KCNG2: variants seen among roughly 807,000 people sequenced by gnomAD.
KCNG2 encodes potassium voltage-gated channel modifier subfamily G member 2.
In KCNG2, 7 loss-of-function variants were observed where a neutral mutation model predicts 12.3. That is an observed-to-expected ratio of 0.57 (90% CI 0.32 to 1.07). The LOEUF (loss-of-function observed/expected upper bound fraction) is 1.07, where lower values mean the gene tolerates loss of function less well. Ranked by LOEUF, KCNG2 falls within the 50% of genes least tolerant of loss-of-function variation. The pLI is 0.04. For synonymous variants in KCNG2, 414 were observed against 351.4 expected (o/e 1.18, Z -1.99); for missense variants, 703 against 726.0 (o/e 0.97, Z 0.36).
At chr18:79,802,295 C>T (rs776168183) in intron 1 of KCNG2, among the ~76,000 whole-genome samples, 6 of 152,208 alleles carry the variant, frequency 3.9e-5, no homozygotes, top group Non-Finnish European at 5.9e-5. Context: ...GGACGCGGCT[C>T]ATGGAGGGGC....
intron 1 of KCNG2, among the ~76,000 whole-genome samples, chr18:79,813,353 TATC>T (rs1239131395): frequency 6.6e-6 from 1 of 152,176 alleles, no homozygotes; most frequent in Admixed American, 6.5e-5. Context: ...TACTCCACCA[TATC>T]AACAGAAGAG....
At chr18:79,814,763 T>C (rs2087516574) in intron 1 of KCNG2, among the ~76,000 whole-genome samples, 2 of 152,166 alleles carry the variant, frequency 1.3e-5, no homozygotes, top group Non-Finnish European at 2.9e-5. Context: ...TCTCAAAAGG[T>C]TTAATTCTAA....
intron 1 of KCNG2, among the ~76,000 whole-genome samples, chr18:79,848,048 A>G (rs1373253368): frequency 1.3e-5 from 2 of 152,126 alleles, no homozygotes; most frequent in East Asian, 1.9e-4. Context: ...GGTGCGGTGC[A>G]TGGACCCTGA....
rs1555695115 is a variant in KCNG2, at chr18:79,872,286, T to TTTTTTTTTG, written c.624+8003_624+8004insGTTTTTTTT. 4.1e-4 allele frequency among the ~76,000 whole-genome samples: 41 copies of TTTTTTTTTG among 100,558 alleles called. 1 individual carries two copies. Among genetic ancestry groups the TTTTTTTTTG allele is most frequent in the Admixed American group, 9.3e-4 (8 of 8,560 alleles). The allele number at this position is 100,558 out of a possible 152,430, so 66.0% of individuals were successfully genotyped here. ...TAAAAGCTTCAAAGCTTCAGTTTTT[T>TTTTTTTTTG]TTTTTTTTTTTTTTTTTGAGATGGA... On this transcript the variant is annotated intron_variant, in intron 3 of 3. Coordinates refer to ENST00000316249, the MANE Select transcript of KCNG2 (RefSeq NM_012283.2).
intron 3 of KCNG2, among the ~76,000 whole-genome samples, chr18:79,869,973 G>A (rs925697982): frequency 6.6e-6 from 1 of 152,100 alleles, no homozygotes; most frequent in Admixed American, 6.5e-5. Flanking sequence ...AGCTGGAGTG[G>A]GAGTTGCCAC....
At chr18:79,809,384 CT>C (rs1170492003) in intron 1 of KCNG2, among the ~76,000 whole-genome samples, 14 of 146,256 alleles carry the variant, frequency 9.6e-5, no homozygotes, top group African/African-American at 3.3e-4. Context: ...AGAGTCCTCG[CT>C]CTGAGGAGCT....
intron 3 of KCNG2, among the ~76,000 whole-genome samples, chr18:79,865,767 TCTGTGTG>T: frequency 1.0e-5 from 1 of 96,008 alleles, no homozygotes; most frequent in African/African-American, 3.9e-5. Flanking sequence ...TGCTGAGAGG[TCTGTGTG>T]CTGAGAAGTC....
intron 1 of KCNG2, among the ~76,000 whole-genome samples, chr18:79,835,732 A>C (rs892975140): frequency 6.6e-6 from 1 of 152,190 alleles, no homozygotes; most frequent in Non-Finnish European, 1.5e-5. Flanking sequence ...TGTGGCTCTA[A>C]GGCAGGTAGA....
At chr18:79,865,608 T>G (rs1357276616) in intron 3 of KCNG2, among the ~76,000 whole-genome samples, 5 of 124,330 alleles carry the variant, frequency 4.0e-5, no homozygotes, top group Non-Finnish European at 6.7e-5. Flanking sequence ...AGTTCTGTGT[T>G]CTGAGAGGTC....
chr18:79,874,282 A>G (rs1979978944), intron 3 of KCNG2, among the ~76,000 whole-genome samples: 1 of 152,212 alleles, frequency 6.6e-6, no homozygotes, highest in Admixed American at 6.5e-5. Flanking sequence ...AAACTATTCC[A>G]GTCACCCTAA....
intron 3 of KCNG2, among the ~76,000 whole-genome samples, chr18:79,878,077 C>A: frequency 6.6e-6 from 1 of 152,284 alleles, no homozygotes; most frequent in East Asian, 1.9e-4. Context: ...GTGAGCGTGC[C>A]AGGAAATGTG....
Position 79,803,093 on chromosome 18 carries a change from G to T in KCNG2, c.-115+5079G>T, listed in dbSNP as rs950718626. ...CTTGGGAGGCTGAGGCAGGAGAATC[G>T]CTTGAACCCGGAAGGCGGAGCTTGC... On this transcript the variant is annotated intron_variant, in intron 1 of 3. Transcript: ENST00000316249. The surrounding 1 kb of genome is among the most constrained non-coding windows in gnomAD (Gnocchi z 4.5). Among the ~76,000 whole-genome samples, 1 of 152,106 alleles carries T rather than the reference G, an allele frequency of 6.6e-6. No homozygotes were observed. The highest frequency in any genetic ancestry group is 1.5e-5 in the Non-Finnish European group (1 of 68,012).
At chr18:79,831,900 G>A (rs1452694588) in intron 1 of KCNG2, among the ~76,000 whole-genome samples, 1 of 152,214 alleles carries the variant, frequency 6.6e-6, no homozygotes, top group African/African-American at 2.4e-5. Flanking sequence ...CTGATTTGGA[G>A]CAGCACTCAC....
chr18:79,827,215 C>T lies in KCNG2; in HGVS notation c.-114-29164C>T, dbSNP rs149592273. Among the ~76,000 whole-genome samples the T allele has an allele frequency of 1.7e-3, 257 of 152,342 alleles. 2 individuals are homozygous for T. The highest frequency in any genetic ancestry group is 5.9e-3 in the African/African-American group (244 of 41,582). The stretch of plus-strand genomic sequence containing the variant: ...GGAGCTGGGGCTCGGGCCAGACCAG[C>T]GACACCCTCCAGGCCTCAGTGGTCC... On this transcript the variant is annotated intron_variant, in intron 1 of 3. Coordinates refer to ENST00000316249, the MANE Select transcript of KCNG2 (RefSeq NM_012283.2).
chr18:79,863,438 C>T (rs1355465331), intron 2 of KCNG2, among the ~76,000 whole-genome samples, 190 bp from the exon 3 acceptor site: 1 of 152,234 alleles, frequency 6.6e-6, no homozygotes, highest in Non-Finnish European at 1.5e-5. Context: ...GTCCGCTGGA[C>T]GCTTGAGGGT....
chr18:79,806,602 G>A (rs761876399), intron 1 of KCNG2, among the ~76,000 whole-genome samples: 83 of 152,216 alleles, frequency 5.5e-4, no homozygotes, highest in Admixed American at 2.0e-3. Context: ...TCTCTCAAAT[G>A]ATGGTTTTTA....
At chr18:79,853,966 C>G (rs571805985) in intron 1 of KCNG2, among the ~76,000 whole-genome samples, 1 of 152,382 alleles carries the variant, frequency 6.6e-6, no homozygotes, top group Non-Finnish European at 1.5e-5. Flanking sequence ...GCCTGTGAAA[C>G]AGCACAGACC....
chr18:79,891,404 T>C (rs914966559), intron 3 of KCNG2, among the ~76,000 whole-genome samples: 2 of 152,090 alleles, frequency 1.3e-5, no homozygotes, highest in Admixed American at 1.3e-4. Flanking sequence ...CTAATTTTTG[T>C]ATGTCTCGTA....
At chr18:79,833,137 G>GT (rs796097325) in intron 1 of KCNG2, among the ~76,000 whole-genome samples, 199 of 151,942 alleles carry the variant, frequency 1.3e-3, no homozygotes, top group Middle Eastern at 3.4e-3. Flanking sequence ...TTGCTACAGG[G>GT]TTTTTTTTGT....
Sources: gnomAD v4.1 joint callset for allele counts (sites outside exome capture counted in the v4.1 genomes callset) on GRCh38, gnomAD v4.1.1 for gene constraint, Gnocchi (gnomAD v3.1) non-coding constraint, MANE v1.5 for transcripts, NCBI Gene and HGNC (gene_info 2026-07-23, HGNC 2026-07-21) for gene names.